Variants in PRKCE observed in about 807,000 individuals in gnomAD.
PRKCE encodes the protein protein kinase C epsilon, also known as protein kinase C epsilon type.
A neutral mutation model predicts 85.4 loss-of-function variants in PRKCE; 16 were observed. That is an observed-to-expected ratio of 0.19 (90% CI 0.13 to 0.28). The LOEUF (loss-of-function observed/expected upper bound fraction) is 0.28, where lower values mean the gene tolerates loss of function less well. PRKCE is among the 10% of genes least tolerant of loss of function. The pLI is 1.00. For synonymous variants in PRKCE, 388 were observed against 371.5 expected (o/e 1.04, Z -0.51); for missense variants, 573 against 975.2 (o/e 0.59, Z 5.49).
chr2:45,784,193 AG>A (rs1430775612), intron 1 of PRKCE, among the ~76,000 whole-genome samples: 1 of 152,278 alleles, frequency 6.6e-6, no homozygotes, highest in East Asian at 1.9e-4. Context: ...CTTGATTTTA[AG>A]GGAGGGGAGA....
chr2:45,747,137 T>C (rs76282437), intron 1 of PRKCE, among the ~76,000 whole-genome samples: 18,687 of 152,228 alleles, frequency 0.12, 1,255 homozygotes, highest in Middle Eastern at 0.19. Flanking sequence ...CTCATTCTCT[T>C]GCATCTCCAC....
rs1221878659 is a variant in PRKCE at position 45,907,381 on chromosome 2, C to T, written c.412+64318C>T. 6.6e-6 allele frequency among the ~76,000 whole-genome samples: 1 copy of T among 152,156 alleles called. No homozygotes were observed. The highest frequency in any genetic ancestry group is 2.4e-5 in the African/African-American group (1 of 41,430). On this transcript the variant is annotated intron_variant, in intron 2 of 14. Transcript: ENST00000306156. The surrounding 1 kb of genome is among the most constrained non-coding windows in gnomAD (Gnocchi z 4.5). The stretch of plus-strand genomic sequence containing the variant: ...ACTGGATTGTGTCTGGGTTCAAAAG[C>T]CAAGAACATCTGCGAGTCCTGCATT...
chr2:45,863,008 C>G (rs922194807), intron 2 of PRKCE, among the ~76,000 whole-genome samples: 1 of 152,180 alleles, frequency 6.6e-6, no homozygotes, highest in Non-Finnish European at 1.5e-5. Context: ...TTGCTGTGGC[C>G]CCACTGCTGG....
At chr2:45,807,355 T>C (rs1192402480) in intron 1 of PRKCE, among the ~76,000 whole-genome samples, 5 of 152,262 alleles carry the variant, frequency 3.3e-5, no homozygotes, top group Non-Finnish European at 7.3e-5. Flanking sequence ...CTGGACAGTG[T>C]CTTCTGGTCT....
chr2:45,925,594 C>G (rs1021902373), intron 2 of PRKCE, among the ~76,000 whole-genome samples: 5 of 152,204 alleles, frequency 3.3e-5, no homozygotes, highest in African/African-American at 1.2e-4. Flanking sequence ...CCGCGCCCGG[C>G]CAAGCATGCT....
rs139886687 is a variant in PRKCE, at chr2:45,821,443, T to C, written c.349-21557T>C. On this transcript the variant is annotated intron_variant, in intron 1 of 14. Coordinates refer to ENST00000306156, the MANE Select transcript of PRKCE (RefSeq NM_005400.3). Reference sequence around the variant, plus strand: ...AGAGCAGGCCACACCTCTGAAGGGCTACCTGTGGAACCTACCTGGGGACTA... The same window carrying C: ...AGAGCAGGCCACACCTCTGAAGGGCCACCTGTGGAACCTACCTGGGGACTA... Among the ~76,000 whole-genome samples, 4 of 152,246 alleles carry C rather than the reference T, an allele frequency of 2.6e-5. No individual in the cohort carries two copies. In the East Asian group the frequency reaches 7.7e-4, roughly 29 times the overall value.
In PRKCE at chr2:46,187,345, C is replaced by T. The variant is rs1333587390; in HGVS notation, c.*2464C>T. 1 of 152,344 alleles carries T rather than the reference C, an allele frequency of 6.6e-6. No homozygotes were observed. The highest frequency in any genetic ancestry group is 2.4e-5 in the African/African-American group (1 of 41,436). The allele number at this position is 152,344 out of a possible 1,614,324, so 9.4% of individuals were successfully genotyped here. ...TCCCAGAAAGGGCCCTTTTCAGCAC[C>T]CAAAGCTGGGCTGGCTGGGATGCCT... On this transcript the variant is annotated 3_prime_UTR_variant, in exon 15 of 15. Transcript: ENST00000306156.
At chr2:45,675,178 A>C (rs1395339213) in intron 1 of PRKCE, 2 of 152,348 alleles carry the variant, frequency 1.3e-5, no homozygotes, top group African/African-American at 4.8e-5. Context: ...GTTACAAAAC[A>C]AAATAGCACA....
At chr2:46,146,683 G>T (rs1329581788) in intron 12 of PRKCE, among the ~76,000 whole-genome samples, 1 of 152,122 alleles carries the variant, frequency 6.6e-6, no homozygotes, top group Non-Finnish European at 1.5e-5. Flanking sequence ...TTGAGGGCAG[G>T]GTCTGTGTTT....
At chr2:45,869,706 CT>C (rs71394860) in intron 2 of PRKCE, among the ~76,000 whole-genome samples, 13,008 of 109,018 alleles carry the variant, frequency 0.12, 370 homozygotes, top group South Asian at 0.13. Context: ...TTCTCTCTCT[CT>C]TTTTTTTTTT....
chr2:46,106,380 G>A (rs1195759712), intron 11 of PRKCE, among the ~76,000 whole-genome samples: 1 of 152,188 alleles, frequency 6.6e-6, no homozygotes, highest in African/African-American at 2.4e-5. Context: ...TTCATTCCCA[G>A]TATATATGCA....
chr2:45,957,911 G>T (rs912114912), intron 2 of PRKCE, among the ~76,000 whole-genome samples: 4 of 129,674 alleles, frequency 3.1e-5, no homozygotes, highest in Non-Finnish European at 6.4e-5. Flanking sequence ...GCGAGACTGT[G>T]TCTCTATTTT....
chr2:46,174,438 A>G (rs749921262), intron 14 of PRKCE, among the ~76,000 whole-genome samples: 22 of 152,206 alleles, frequency 1.4e-4, no homozygotes, highest in Non-Finnish European at 2.6e-4. Context: ...TTAAAATCGA[A>G]TTAGTAGGCA....
At chr2:45,671,414 G>C (rs943864438) in intron 1 of PRKCE, among the ~76,000 whole-genome samples, 4 of 152,214 alleles carry the variant, frequency 2.6e-5, no homozygotes, top group African/African-American at 9.6e-5. Flanking sequence ...ACTAGGTACA[G>C]GAGGCCTAGG....
At chr2:45,723,823 T>C (rs1680827695) in intron 1 of PRKCE, among the ~76,000 whole-genome samples, 1 of 152,198 alleles carries the variant, frequency 6.6e-6, no homozygotes, top group Non-Finnish European at 1.5e-5. Flanking sequence ...CAGGCTTGTC[T>C]CAAACTCCTG....
At position 46,159,516 on chromosome 2, in the gene PRKCE, A is replaced by T. The variant is rs1677548813; in HGVS notation, c.1921-90A>T. 1 of 1,376,370 alleles carries T rather than the reference A, an allele frequency of 7.3e-7. No homozygotes were observed. Among genetic ancestry groups the T allele is most frequent in the Non-Finnish European group, 9.7e-7 (1 of 1,036,122 alleles). The allele number at this position is 1,376,370 out of a possible 1,614,324, so 85.3% of individuals were successfully genotyped here. A position where few individuals can be genotyped will look rare whatever the true frequency, so the allele number is the denominator to read the frequency against. ...ACAGACTTGGGAGGCGATGCTGAAG[A>T]TGCTGCTTTGGCTGACCTCCATCTG... On this transcript the variant is annotated intron_variant, in intron 13 of 14. Transcript: ENST00000306156. The surrounding 1 kb of genome is among the most constrained non-coding windows in gnomAD (Gnocchi z 4.1).
chr2:45,674,864 G>C (rs1241559397), intron 1 of PRKCE: 1 of 152,226 alleles, frequency 6.6e-6, no homozygotes, highest in African/African-American at 2.4e-5. Context: ...GCCTCATCTT[G>C]ATAAACTTGA....
intron 1 of PRKCE, among the ~76,000 whole-genome samples, chr2:45,717,690 A>G (rs1680255490): frequency 1.3e-5 from 2 of 152,210 alleles, no homozygotes; most frequent in African/African-American, 4.8e-5. Flanking sequence ...AGGGATGTCC[A>G]GACTTTTTCT....
chr2:45,794,845 A>ACC (rs33982229), intron 1 of PRKCE, among the ~76,000 whole-genome samples: 8,774 of 121,770 alleles, frequency 0.072, 419 homozygotes, highest in Middle Eastern at 0.13. Flanking sequence ...TTATTGCCCT[A>ACC]CCCCCCCCCC....
Sources: allele counts gnomAD v4.1 joint callset (sites outside exome capture counted in the v4.1 genomes callset), GRCh38; gene constraint gnomAD v4.1.1; non-coding constraint Gnocchi (gnomAD v3.1); transcripts MANE v1.5; gene names NCBI Gene and HGNC (gene_info 2026-07-23, HGNC 2026-07-21).